Variants in PKHD1L1 observed in about 807,000 individuals in gnomAD.
PKHD1L1 encodes fibrocystin-L.
In PKHD1L1, 434 loss-of-function variants were observed where a neutral mutation model predicts 462.9. The observed-to-expected ratio is 0.94, with a 90% CI of 0.87 to 1.02. PKHD1L1 has a LOEUF of 1.02. Among genes scored for constraint, PKHD1L1 ranks in the 50% least tolerant of loss-of-function variants. PKHD1L1 has a pLI of 0.00. For missense variants in PKHD1L1, 5,202 were observed against 5,096.1 expected (o/e 1.02, Z -0.63); for synonymous variants, 1,781 against 1,750.0 (o/e 1.02, Z -0.44).
rs1356212908 is a variant in PKHD1L1, at chr8:109,534,932, T to C, written c.*4842T>C. 1.3e-5 allele frequency among the ~76,000 whole-genome samples: 2 copies of C among 152,016 alleles called. No homozygotes were observed. The highest frequency in any genetic ancestry group is 6.5e-5 in the Admixed American group (1 of 15,272). On this transcript the variant is annotated 3_prime_UTR_variant, in exon 78 of 78. Coordinates refer to ENST00000378402, the MANE Select transcript of PKHD1L1 (RefSeq NM_177531.6). Reference sequence around the variant, plus strand: ...GGTTTTTTTTTTAGGTTAAGGACTATGTATTCTTTCAATTTCTCTAAAGTG... The same window carrying C: ...GGTTTTTTTTTTAGGTTAAGGACTACGTATTCTTTCAATTTCTCTAAAGTG...
chr8:109,466,543 A>G, intron 49 of PKHD1L1, 35 bp from the exon 50 acceptor site: 1 of 1,523,676 alleles, frequency 6.6e-7, no homozygotes, highest in Non-Finnish European at 8.9e-7. Context: ...TCTTAATGTG[A>G]AATAAAAAAC....
intron 21 of PKHD1L1, among the ~76,000 whole-genome samples, chr8:109,415,864 G>GGTGTGT (rs552265043): frequency 0.019 from 1,930 of 100,354 alleles, 40 homozygotes; most frequent in African/African-American, 0.045. Context: ...AAAAAAAAGG[G>GGTGTGT]GTGTGTGTGT....
chr8:109,468,454 T>C (rs1205181435), intron 50 of PKHD1L1, among the ~76,000 whole-genome samples: 2 of 152,234 alleles, frequency 1.3e-5, no homozygotes, highest in African/African-American at 4.8e-5. Flanking sequence ...CAAACTTACA[T>C]TTCTGATGCC....
chr8:109,463,259 T>C (rs1817239002), intron 48 of PKHD1L1, among the ~76,000 whole-genome samples: 2 of 152,134 alleles, frequency 1.3e-5, no homozygotes, highest in African/African-American at 4.8e-5. Context: ...GCATAGTTCT[T>C]ATCATGTATT....
chr8:109,425,176 C>T lies in PKHD1L1; in HGVS notation c.2789C>T (p.Ala930Val). The change falls in exon 24 of 78, where the codon GCA (alanine) becomes GTA (valine). Residue 930 changes from alanine (A) to valine (V), a missense_variant. Ala to Val is a moderately conservative substitution (Grantham distance 64). Transcript: ENST00000378402. ...ATTCATATTCAAAGAATTCAAGCTG[C>T]ATCTCCACCTCTAAGTGGCAGCTTT... ...SKIHIQRIQA[A>V]SPPLSGSFDI... 6.2e-7 allele frequency: 1 copy of T among 1,609,980 alleles called. No homozygotes were observed. Among genetic ancestry groups the T allele is most frequent in the Non-Finnish European group, 8.5e-7 (1 of 1,178,350 alleles).
rs767552882 is a variant in PKHD1L1 at position 109,515,285 on chromosome 8, T to C, written c.11669T>C (p.Leu3890Pro). ...AATGCCCAGCAGAAACACTGTGAAC[T>C]TAATAACCATCTGTACAAAGGTATT... ...IWNAQQKHCE[L>P]NNHLYKDQFL... Residue 3890 changes from leucine (L) to proline (P), a missense_variant, in exon 72 of 78, where the codon CTT (leucine) becomes CCT (proline). Transcript: ENST00000378402. 29 of 1,597,386 alleles carry C rather than the reference T, an allele frequency of 1.8e-5. No homozygotes were observed. In the Admixed American group the frequency reaches 4.0e-4, roughly 22 times the overall value.
At chr8:109,381,785 CTATT>C (rs1448317095) in intron 3 of PKHD1L1, among the ~76,000 whole-genome samples, 5 of 151,960 alleles carry the variant, frequency 3.3e-5, no homozygotes, top group Admixed American at 2.6e-4. Flanking sequence ...AGATAAATGA[CTATT>C]TAATTGTAAT....
chr8:109,444,846 A>G lies in PKHD1L1; in HGVS notation c.4977A>G (p.Pro1659=). The part of the protein sequence containing the change: ...NEFDRRFVLL[P]NIDLVLPNAG... ...TTGATAGGCGATTTGTACTTTTGCCAAACATTGACCTGGTGTTGCCAAATG... is the reference window on the plus strand; with the variant it reads ...TTGATAGGCGATTTGTACTTTTGCCGAACATTGACCTGGTGTTGCCAAATG... The change falls in exon 38 of 78, where the codon CCA becomes CCG. Residue 1659 remains proline, a synonymous_variant. Transcript: ENST00000378402. The G allele has an allele frequency of 6.2e-7, 1 of 1,614,034 alleles. No homozygotes were observed. Among genetic ancestry groups the G allele is most frequent in the Non-Finnish European group, 8.5e-7 (1 of 1,179,882 alleles).
chr8:109,401,145 C>T (rs1291084404), intron 13 of PKHD1L1, among the ~76,000 whole-genome samples: 1 of 152,238 alleles, frequency 6.6e-6, no homozygotes, highest in East Asian at 1.9e-4. Flanking sequence ...TCTCAAAGTT[C>T]TCCACAGAGC....
At position 109,435,233 on chromosome 8, in the gene PKHD1L1, T is replaced by G. The variant is rs755550349; in HGVS notation, c.3384T>G (p.His1128Gln). The G allele has an allele frequency of 6.2e-7, 1 of 1,613,756 alleles. No individual in the cohort carries two copies. The highest frequency in any genetic ancestry group is 8.5e-7 in the Non-Finnish European group (1 of 1,179,786). ...AGATTCTGAATGGAAGTGCTGGACA[T>G]GCCCCCGTTGCTGTGTCCATGGCTG... ...KCQILNGSAG[H>Q]APVAVSMADV... The change falls in exon 29 of 78, where the codon CAT (histidine) becomes CAG (glutamine). Residue 1128 changes from histidine to glutamine, a missense_variant. This residue lies in a region of PKHD1L1 where 4,497 missense variants were observed against 4,336.8 expected (regional missense o/e 1.04). Coordinates refer to ENST00000378402, the MANE Select transcript of PKHD1L1 (RefSeq NM_177531.6).
At chr8:109,477,179 A>G (rs768511184) in intron 52 of PKHD1L1, 46 bp from the exon 53 acceptor site, 3 of 1,593,816 alleles carry the variant, frequency 1.9e-6, no homozygotes, top group East Asian at 4.5e-5. Flanking sequence ...ACATTCAAGT[A>G]CTTTGGTCAC....
intron 33 of PKHD1L1, 115 bp from the exon 34 acceptor site, chr8:109,441,160 G>T (rs970794247): frequency 2.7e-6 from 2 of 729,446 alleles, no homozygotes; most frequent in Non-Finnish European, 4.3e-6. Flanking sequence ...ATATAAGGCA[G>T]AGTTTTTTTT....
chr8:109,414,994 TATTATTATTA>T (rs1563751483), intron 21 of PKHD1L1, among the ~76,000 whole-genome samples: 30 of 147,532 alleles, frequency 2.0e-4, no homozygotes, highest in African/African-American at 5.2e-4. Flanking sequence ...TTATTATTAT[TATTATTATTA>T]TTATTATTTT....
rs1471922372 is a variant in PKHD1L1 at position 109,507,740 on chromosome 8, C to A, written c.11072C>A (p.Ser3691Tyr). The change falls in exon 69 of 78, where the codon TCC (serine) becomes TAC (tyrosine). Residue 3691 changes from serine (S) to tyrosine (Y), a missense_variant. By Grantham distance (144) the Ser-to-Tyr change is moderately radical. Around this residue, in one of 3 missense-constraint regions of PKHD1L1, gnomAD observed 698 missense variants for 736.3 expected, o/e 0.95. Transcript: ENST00000378402. Reference protein sequence around the residue: ...RKSFLRDIDGSFLGNAGSVIP... With the variant: ...RKSFLRDIDGYFLGNAGSVIP... ...TCTTTTCTTAGAGACATAGATGGCT[C>A]CTTTCTGGGGAATGCTGGTTCTGTG... 3 of 1,613,424 alleles carry A rather than the reference C, an allele frequency of 1.9e-6. No individual in the cohort carries two copies. The highest frequency in any genetic ancestry group is 2.2e-5 in the South Asian group (2 of 91,066).
intron 6 of PKHD1L1, among the ~76,000 whole-genome samples, chr8:109,387,889 C>G (rs1812516768): frequency 6.6e-6 from 1 of 152,136 alleles, no homozygotes; most frequent in South Asian, 2.1e-4. Flanking sequence ...CACCTGCCAG[C>G]CTCCAATAGC....
rs1816093484 is a variant in PKHD1L1 at position 109,445,625 on chromosome 8, G to A, written c.5756G>A (p.Arg1919Lys). 5 of 1,607,892 alleles carry A rather than the reference G, an allele frequency of 3.1e-6. No individual in the cohort carries two copies. Among genetic ancestry groups the A allele is most frequent in the Non-Finnish European group, 4.3e-6 (5 of 1,175,844 alleles). Residue 1919 changes from arginine to lysine, a missense_variant, in exon 38 of 78, where the codon AGA becomes AAA. By Grantham distance (26) the Arg-to-Lys change is conservative (BLOSUM62 2). Coordinates refer to ENST00000378402, the MANE Select transcript of PKHD1L1 (RefSeq NM_177531.6). ...TYALEDTPFL[R>K]GIIPSRGPPG... ...GCCCTGGAGGATACTCCATTTCTCA[G>A]AGGAATTATCCCAAGCAGAGGTACT...
chr8:109,505,040 AATT>A lies in PKHD1L1; in HGVS notation c.10994+563_10994+565del, dbSNP rs201567587. Among the ~76,000 whole-genome samples the A allele has an allele frequency of 5.5e-3, 837 of 151,986 alleles. 11 individuals are homozygous for A. Among genetic ancestry groups the A allele is most frequent in the African/African-American group, 0.018 (753 of 41,474 alleles). On this transcript the variant is annotated intron_variant, in intron 68 of 77. Transcript: ENST00000378402. ...AAGCACAAGCCACTATGCCTGGCTT[AATT>A]ATTATTATTATTATCATTATTATTT...
intron 2 of PKHD1L1, among the ~76,000 whole-genome samples, chr8:109,368,853 C>G (rs1465583635): frequency 6.6e-6 from 1 of 152,162 alleles, no homozygotes; most frequent in African/African-American, 2.4e-5. Context: ...ATCAACATGT[C>G]AGGAATTTCC....
intron 11 of PKHD1L1, 25 bp from the exon 12 acceptor site, chr8:109,398,434 G>T: frequency 7.3e-7 from 1 of 1,374,504 alleles, no homozygotes; most frequent in Non-Finnish European, 1.0e-6. Context: ...CAGTAGTAAC[G>T]GTTTTGTATC....
Sources: gnomAD v4.1 joint callset for allele counts (sites outside exome capture counted in the v4.1 genomes callset) on GRCh38, gnomAD v4.1.1 for gene constraint, gnomAD v4.1.1 regional missense constraint, MANE v1.5 for transcripts, NCBI Gene and HGNC (gene_info 2026-07-23, HGNC 2026-07-21) for gene names.